Variants in GSKIP observed in about 807,000 individuals in gnomAD.
The protein encoded by GSKIP is GSK3B interacting protein.
In GSKIP, 5 loss-of-function variants were observed where a neutral mutation model predicts 11.9. The observed-to-expected ratio is 0.42, with a 90% CI of 0.22 to 0.89. GSKIP has a LOEUF of 0.89. Ranked by LOEUF, GSKIP falls within the 40% of genes least tolerant of loss-of-function variation. The pLI is 0.29. For missense variants in GSKIP, 150 were observed against 166.6 expected (o/e 0.90, Z 0.55); for synonymous variants, 70 against 62.9 (o/e 1.11, Z -0.54).
rs763962704 is a variant in GSKIP, at chr14:96,382,357, C to G, written c.110C>G (p.Ala37Gly). The change falls in exon 3 of 4, where the codon GCT (alanine) becomes GGT (glycine). Residue 37 changes from alanine (A) to glycine (G), a missense_variant. Transcript: ENST00000555181. ...GTDMKDMRLE[A>G]EAVVNDVLFA... ...GACATGAAAGACATGAGGCTCGAAG[C>G]TGAAGCAGTTGTAAATGATGTTCTC... 6.2e-7 allele frequency: 1 copy of G among 1,613,718 alleles called. No homozygotes were observed. The highest frequency in any genetic ancestry group is 2.2e-5 in the East Asian group (1 of 44,860).
intron 1 of GSKIP, among the ~76,000 whole-genome samples, chr14:96,368,390 G>A (rs1191564863): frequency 1.3e-5 from 2 of 152,032 alleles, no homozygotes; most frequent in Admixed American, 6.5e-5. Context: ...TGCTGGTCTC[G>A]AACTCCTGGA....
At chr14:96,377,811 G>A (rs1391208315) in intron 1 of GSKIP, among the ~76,000 whole-genome samples, 1 of 152,210 alleles carries the variant, frequency 6.6e-6, no homozygotes, top group Non-Finnish European at 1.5e-5. Context: ...TCCGGAAGTA[G>A]TTGGACAAAG....
At chr14:96,367,204 A>G (rs1297820796) in intron 1 of GSKIP, among the ~76,000 whole-genome samples, 1 of 152,238 alleles carries the variant, frequency 6.6e-6, no homozygotes, top group African/African-American at 2.4e-5. Flanking sequence ...TTCTCTCAAT[A>G]TCACTTAAAG....
chr14:96,378,345 C>CAA (rs909702279), intron 1 of GSKIP, among the ~76,000 whole-genome samples: 1 of 149,406 alleles, frequency 6.7e-6, no homozygotes, highest in African/African-American at 2.5e-5. Context: ...AATAACTCTC[C>CAA]AAAAAAAAAG....
chr14:96,365,134 G>A (rs542584977), intron 1 of GSKIP: 2 of 152,072 alleles, frequency 1.3e-5, no homozygotes, highest in African/African-American at 4.8e-5. Context: ...ACATTTTATT[G>A]AAGGGAGGAG....
intron 1 of GSKIP, among the ~76,000 whole-genome samples, chr14:96,371,097 A>T (rs1180233491): frequency 6.6e-6 from 1 of 152,248 alleles, no homozygotes; most frequent in African/African-American, 2.4e-5. Context: ...AACAGATTAA[A>T]TGTTATGTGT....
At chr14:96,370,837 A>G (rs1403156882) in intron 1 of GSKIP, among the ~76,000 whole-genome samples, 1 of 152,160 alleles carries the variant, frequency 6.6e-6, no homozygotes, top group Non-Finnish European at 1.5e-5. Context: ...CCAGCCTCAC[A>G]TATTTCTTTA....
chr14:96,363,736 G>GGGTCTGGGGGCC (rs1208338147), intron 1 of GSKIP, 168 bp downstream of exon 1: 1 of 152,324 alleles, frequency 6.6e-6, no homozygotes, highest in African/African-American at 2.4e-5. Context: ...GTGTTAAGAG[G>GGGTCTGGGGGCC]GGTCTGGGGG....
At chr14:96,367,680 T>A (rs1201891571) in intron 1 of GSKIP, among the ~76,000 whole-genome samples, 1 of 152,160 alleles carries the variant, frequency 6.6e-6, no homozygotes, top group Non-Finnish European at 1.5e-5. Flanking sequence ...GAATAAACGA[T>A]TTAGTAATCA....
At chr14:96,365,741 G>C (rs187035850) in intron 1 of GSKIP, among the ~76,000 whole-genome samples, 1 of 152,100 alleles carries the variant, frequency 6.6e-6, no homozygotes, top group East Asian at 1.9e-4. Flanking sequence ...GGCTGAGGCA[G>C]GAGAATTGCT....
chr14:96,372,344 G>T (rs551711460), intron 1 of GSKIP, among the ~76,000 whole-genome samples: 18 of 152,304 alleles, frequency 1.2e-4, no homozygotes, highest in African/African-American at 3.4e-4. Flanking sequence ...TGGGTCTGTA[G>T]TAGTACAGAC....
intron 1 of GSKIP, among the ~76,000 whole-genome samples, chr14:96,368,845 T>G (rs984565571): frequency 6.6e-6 from 1 of 152,176 alleles, no homozygotes; most frequent in Non-Finnish European, 1.5e-5. Flanking sequence ...AAATTGGTAC[T>G]GAGAGTGGGG....
At chr14:96,371,120 A>T (rs551126962) in intron 1 of GSKIP, among the ~76,000 whole-genome samples, 8 of 152,346 alleles carry the variant, frequency 5.3e-5, no homozygotes, top group African/African-American at 1.7e-4. Context: ...CAGAAAACAA[A>T]GGTTAAATTG....
intron 1 of GSKIP, among the ~76,000 whole-genome samples, chr14:96,367,600 T>C (rs958244281): frequency 6.6e-6 from 1 of 152,184 alleles, no homozygotes; most frequent in African/African-American, 2.4e-5. Context: ...TTTTTTGTCA[T>C]CAAGGATAAA....
intron 1 of GSKIP, among the ~76,000 whole-genome samples, chr14:96,371,471 G>A (rs1208763903): frequency 7.7e-6 from 1 of 129,168 alleles, no homozygotes; most frequent in Non-Finnish European, 1.6e-5. Context: ...TTGAGACAGA[G>A]TCTCACTCTG....
chr14:96,375,436 CTTT>C (rs202163260), intron 1 of GSKIP, among the ~76,000 whole-genome samples: 13 of 114,302 alleles, frequency 1.1e-4, no homozygotes, highest in Non-Finnish European at 1.0e-4. Flanking sequence ...CTTTTTCTCT[CTTT>C]TTTTTTTTTT....
intron 1 of GSKIP, among the ~76,000 whole-genome samples, chr14:96,377,790 C>T (rs1253556466): frequency 6.6e-6 from 1 of 152,162 alleles, no homozygotes; most frequent in Non-Finnish European, 1.5e-5. Context: ...ATCTGATTAG[C>T]TAGACCACCA....
intron 1 of GSKIP, among the ~76,000 whole-genome samples, chr14:96,371,952 C>A (rs866229223): frequency 6.6e-6 from 1 of 152,086 alleles, no homozygotes; most frequent in African/African-American, 2.4e-5. Context: ...GGCTATACTT[C>A]TAAAACGTAT....
chr14:96,384,662 T>C (rs1451479808), intron 3 of GSKIP: 1 of 151,824 alleles, frequency 6.6e-6, no homozygotes, highest in African/African-American at 2.4e-5. Context: ...AATTGGAGTA[T>C]CTTTTCTTAT....
Sources: gnomAD v4.1 joint callset for allele counts (sites outside exome capture counted in the v4.1 genomes callset) on GRCh38, gnomAD v4.1.1 for gene constraint, MANE v1.5 for transcripts, NCBI Gene and HGNC (gene_info 2026-07-23, HGNC 2026-07-21) for gene names.